The following ATP2C1 variants were observed in gnomAD, a reference collection of about 807,000 sequenced individuals.
ATP2C1 encodes the protein calcium-transporting ATPase type 2C member 1.
Under a neutral mutation model 120.5 loss-of-function variants are expected in ATP2C1, and 31 were observed. The ratio of observed to expected loss-of-function variants is 0.26; its 90% CI spans 0.19 to 0.35. ATP2C1 has a LOEUF of 0.35. Ranked by LOEUF, ATP2C1 falls within the 10% of genes least tolerant of loss-of-function variation. The pLI, the probability that ATP2C1 is intolerant of heterozygous loss-of-function variation, is 1.00. For synonymous variants in ATP2C1, 351 were observed against 358.7 expected (o/e 0.98, Z 0.24); for missense variants, 731 against 1,107.5 (o/e 0.66, Z 4.83).
intron 1 of ATP2C1, among the ~76,000 whole-genome samples, chr3:130,872,567 T>C (rs1415626411): frequency 6.6e-6 from 1 of 151,966 alleles, no homozygotes; most frequent in Non-Finnish European, 1.5e-5. Context: ...ACACTCCCAT[T>C]TGAGGAGTAC....
intron 8 of ATP2C1, among the ~76,000 whole-genome samples, chr3:130,951,078 C>CT (rs1471474725): frequency 3.9e-5 from 6 of 152,112 alleles, no homozygotes; most frequent in Non-Finnish European, 7.4e-5. Flanking sequence ...ACGTGCAACT[C>CT]TGACTGTTGT....
At chr3:130,909,904 CTA>C (rs1258420995) in intron 2 of ATP2C1, among the ~76,000 whole-genome samples, 1 of 151,888 alleles carries the variant, frequency 6.6e-6, no homozygotes, top group Non-Finnish European at 1.5e-5. Context: ...TAGGGTCTCA[CTA>C]TGTTGCCCAG....
At chr3:130,887,910 A>G (rs1316126612) in intron 1 of ATP2C1, among the ~76,000 whole-genome samples, 2 of 152,172 alleles carry the variant, frequency 1.3e-5, no homozygotes, top group Non-Finnish European at 2.9e-5. Context: ...GTCTCTCACC[A>G]TAGCCACCAC....
intron 2 of ATP2C1, among the ~76,000 whole-genome samples, chr3:130,917,279 T>G (rs1019153869): frequency 5.9e-5 from 9 of 152,256 alleles, no homozygotes; most frequent in Non-Finnish European, 1.3e-4. Flanking sequence ...TTTCAACTTA[T>G]GATGGATTTG....
intron 2 of ATP2C1, among the ~76,000 whole-genome samples, chr3:130,923,838 C>T (rs1371596554): frequency 1.4e-5 from 2 of 146,634 alleles, no homozygotes; most frequent in Non-Finnish European, 3.0e-5. Context: ...GCTCTCTAAC[C>T]TGGGTGATGA....
intron 2 of ATP2C1, among the ~76,000 whole-genome samples, chr3:130,926,275 C>G (rs1047817740): frequency 3.9e-5 from 6 of 152,178 alleles, no homozygotes; most frequent in Non-Finnish European, 8.8e-5. Flanking sequence ...TATCCACCAT[C>G]TTAATTTGAG....
chr3:130,863,092 C>CA lies in ATP2C1; in HGVS notation c.108+12172dup, dbSNP rs1335203145. On this transcript the variant is annotated intron_variant, in intron 1 of 26. Transcript: ENST00000504381. ...CCCAGCTCTGGAGGAAAGGTGTAAC[C>CA]AAAAAAAATGGTATTACACTATAAT... Among the ~76,000 whole-genome samples the CA allele has an allele frequency of 5.3e-5, 8 of 150,720 alleles. No homozygotes were observed. The East Asian group carries it at 5.8e-4, about 11-fold the overall frequency.
At chr3:130,893,762 C>T (rs1424860617), upstream of ATP2C1, among the ~76,000 whole-genome samples, 4 of 152,206 alleles carry the variant, frequency 2.6e-5, no homozygotes, top group Admixed American at 2.6e-4. Context: ...ATCTCCGACC[C>T]TCGCGTTCAG....
intron 25 of ATP2C1, 92 bp downstream of exon 25, chr3:130,997,845 G>C: frequency 7.5e-7 from 1 of 1,340,190 alleles, no homozygotes; most frequent in Non-Finnish European, 1.1e-6. Context: ...AGAAGGCTGG[G>C]AAGTTAAGGG....
In ATP2C1 at chr3:130,894,762, G is replaced by A. The variant is rs754745816; in HGVS notation, c.-8G>A. The A allele has an allele frequency of 3.1e-6, 5 of 1,614,058 alleles. No homozygotes were observed. The Admixed American group carries it at 6.7e-5, about 22-fold the overall frequency. Reference sequence around the variant, plus strand: ...TAGCCATCAACCCGAGTGCAGTTTCGATGGAAAATGAAGGTAAAGGCCCCT... The same window carrying A: ...TAGCCATCAACCCGAGTGCAGTTTCAATGGAAAATGAAGGTAAAGGCCCCT... On this transcript the variant is annotated 5_prime_UTR_variant, in exon 2 of 28. Transcript: ENST00000510168. This position sits in a 1 kb window ranked among gnomAD's most constrained non-coding sequence, Gnocchi z 4.5.
intron 8 of ATP2C1, 75 bp from the exon 9 acceptor site, chr3:130,953,746 T>A (rs2060468501): frequency 6.8e-7 from 1 of 1,478,978 alleles, no homozygotes; most frequent in Non-Finnish European, 9.4e-7. Context: ...GAGGAAGAAG[T>A]GATGATGGTT....
rs534746068 is a variant in ATP2C1, at chr3:130,942,213, A to G, written c.531+514A>G. 2.0e-5 allele frequency among the ~76,000 whole-genome samples: 3 copies of G among 152,366 alleles called. No individual in the cohort carries two copies. The East Asian group carries it at 5.8e-4, about 29-fold the overall frequency. ...CAACACCATTCAAATCACTATGAAC[A>G]TTCCAGTGTATGAAACTCTGTTGGG... On this transcript the variant is annotated intron_variant, in intron 8 of 27. Coordinates refer to ENST00000510168, the MANE Select transcript of ATP2C1 (RefSeq NM_001378687.1).
rs1251307136 is a variant in ATP2C1, at chr3:131,011,811, C to G, written c.2630-4341C>G. Among the ~76,000 whole-genome samples the G allele has an allele frequency of 2.0e-5, 3 of 152,202 alleles. No individual in the cohort carries two copies. In the East Asian group the frequency reaches 5.8e-4, roughly 29 times the overall value. ...CTCTTGTCATTTCATTGTGTGTTGT[C>G]TCCCAAGCAGCCTGAACAAGAATGT... On this transcript the variant is annotated intron_variant, in intron 26 of 26. Transcript: ENST00000328560.
At chr3:130,881,450 C>T (rs981208717) in intron 1 of ATP2C1, among the ~76,000 whole-genome samples, 24 of 152,046 alleles carry the variant, frequency 1.6e-4, no homozygotes, top group African/African-American at 5.8e-4. Flanking sequence ...CCTTGTCCTC[C>T]TGGGCTCAAG....
At chr3:130,975,601 A>G in intron 18 of ATP2C1, 113 bp downstream of exon 18, 1 of 1,261,232 alleles carries the variant, frequency 7.9e-7, no homozygotes, top group Non-Finnish European at 1.1e-6. Context: ...GGATTTGTAG[A>G]ACCCTTGCCA....
intron 12 of ATP2C1, 145 bp from the exon 13 acceptor site, chr3:130,963,825 CT>C: frequency 1.0e-6 from 1 of 977,912 alleles, no homozygotes; most frequent in South Asian, 1.5e-5. Context: ...TAAATGTTAA[CT>C]TTCTCTTCCT....
chr3:130,899,650 A>G (rs2069969643), intron 2 of ATP2C1: 1 of 152,188 alleles, frequency 6.6e-6, no homozygotes, highest in African/African-American at 2.4e-5. Flanking sequence ...ACAAAAGTAT[A>G]AATCGTAGAA....
At chr3:130,883,379 T>A (rs980108336) in intron 1 of ATP2C1, among the ~76,000 whole-genome samples, 2 of 152,182 alleles carry the variant, frequency 1.3e-5, no homozygotes, top group Admixed American at 1.3e-4. Context: ...TTTTTCCTAC[T>A]AATTTTGAGT....
chr3:130,975,906 C>T (rs1405302677), intron 18 of ATP2C1, among the ~76,000 whole-genome samples: 1 of 152,060 alleles, frequency 6.6e-6, no homozygotes, highest in African/African-American at 2.4e-5. Flanking sequence ...TACTGTTCAC[C>T]AGGGAGGTAA....
Sources: allele counts gnomAD v4.1 joint callset (sites outside exome capture counted in the v4.1 genomes callset), GRCh38; gene constraint gnomAD v4.1.1; non-coding constraint Gnocchi (gnomAD v3.1); transcripts MANE v1.5; gene names NCBI Gene and HGNC (gene_info 2026-07-23, HGNC 2026-07-21).